The following HVCN1 variants were observed in gnomAD, a reference collection of about 807,000 sequenced individuals.
HVCN1 encodes the protein voltage-gated hydrogen channel 1.
HVCN1 carries 14 observed loss-of-function variants against 29.2 expected under a neutral mutation model. The observed-to-expected ratio is 0.48, with a 90% CI of 0.32 to 0.75. HVCN1 has a LOEUF of 0.75. Among genes scored for constraint, HVCN1 ranks in the 30% least tolerant of loss-of-function variants. The pLI, the probability that HVCN1 is intolerant of heterozygous loss-of-function variation, is 0.04. For synonymous variants in HVCN1, 131 were observed against 133.2 expected, an observed-to-expected ratio of 0.98 and a Z score of 0.11; for missense variants, 263 against 341.8, an observed-to-expected ratio of 0.77 and a Z score of 1.82.
In HVCN1 at chr12:110,661,888, C is replaced by T. The variant is rs1233150129; in HGVS notation, c.22-440G>A. Among the ~76,000 whole-genome samples, 4 of 152,180 alleles carry T rather than the reference C, an allele frequency of 2.6e-5. No homozygotes were observed. The highest frequency in any genetic ancestry group is 3.9e-4 in the East Asian group (2 of 5,192). ...TCATAGAAAAGTCACGAGATCCCCA[C>T]CCATCACGCCACACATCCTGACAGG... On this transcript the variant is annotated intron_variant, in intron 3 of 7. Transcript: ENST00000242607. This position sits in a 1 kb window ranked among gnomAD's most constrained non-coding sequence, Gnocchi z 6.2.
At chr12:110,697,978 T>C (rs1342320532) in intron 2 of HVCN1, among the ~76,000 whole-genome samples, 1 of 152,046 alleles carries the variant, frequency 6.6e-6, no homozygotes, top group African/African-American at 2.4e-5. Flanking sequence ...ATTTCACAGC[T>C]AAGGCTGAGA....
chr12:110,666,378 G>A (rs763851592), intron 3 of HVCN1, among the ~76,000 whole-genome samples: 9 of 151,962 alleles, frequency 5.9e-5, no homozygotes, highest in African/African-American at 1.9e-4. Flanking sequence ...AGCCGAGATC[G>A]TGCCACTGCA....
chr12:110,681,583 T>C (rs947931819), intron 3 of HVCN1, among the ~76,000 whole-genome samples: 1 of 152,228 alleles, frequency 6.6e-6, no homozygotes, highest in Non-Finnish European at 1.5e-5. Context: ...GACTCTCTTA[T>C]GAAGGATACC....
At position 110,648,986 on chromosome 12, in the gene HVCN1, AAG is replaced by A. The variant is rs1208532787; in HGVS notation, c.*422_*423del. ...AAGCTATTTAGAACAGCTTGAAAAT[AAG>A]AGACTTTTCTAGAATGGGGTGGCAG... On this transcript the variant is annotated 3_prime_UTR_variant, in exon 8 of 8. Coordinates refer to ENST00000242607, the MANE Select transcript of HVCN1 (RefSeq NM_032369.4). 2 of 450,140 alleles carry A rather than the reference AAG, an allele frequency of 4.4e-6. No homozygotes were observed. The highest frequency in any genetic ancestry group is 2.0e-5 in the African/African-American group (1 of 48,946). 27.9% of individuals were successfully genotyped at this position (450,140 alleles called of 1,614,324 possible). A position where few individuals can be genotyped will look rare whatever the true frequency, so the allele number is the denominator to read the frequency against.
intron 3 of HVCN1, among the ~76,000 whole-genome samples, chr12:110,672,393 G>T (rs1460672184): frequency 6.6e-6 from 1 of 152,156 alleles, no homozygotes; most frequent in Non-Finnish European, 1.5e-5. Context: ...CCACCTCAAA[G>T]TCTGTTGCCC....
intron 3 of HVCN1, among the ~76,000 whole-genome samples, chr12:110,665,924 T>C (rs1187170568): frequency 6.7e-6 from 1 of 149,332 alleles, no homozygotes; most frequent in Non-Finnish European, 1.5e-5. Flanking sequence ...GAGAATCACT[T>C]GAACCCGGGA....
intron 4 of HVCN1, among the ~76,000 whole-genome samples, 191 bp from the exon 5 acceptor site, chr12:110,655,529 A>G (rs1460515658): frequency 6.6e-6 from 1 of 152,176 alleles, no homozygotes; most frequent in Non-Finnish European, 1.5e-5. Context: ...CTCCTCTCTG[A>G]TAGAAGCTGC....
rs1372135632 is a variant in HVCN1, at chr12:110,676,418, C to G, written c.21+6807G>C. 6.6e-6 allele frequency among the ~76,000 whole-genome samples: 1 copy of G among 152,222 alleles called. No homozygotes were observed. The highest frequency in any genetic ancestry group is 1.5e-5 in the Non-Finnish European group (1 of 68,048). On this transcript the variant is annotated intron_variant, in intron 3 of 7. Transcript: ENST00000242607. This position sits in a 1 kb window ranked among gnomAD's most constrained non-coding sequence, Gnocchi z 4.1. ...CTCAGACAGGCCTGCCTGGCCTCCA[C>G]TGGCATCTGGGAATTTGGACTTCTG...
At chr12:110,666,867 CT>C (rs1308513114) in intron 3 of HVCN1, among the ~76,000 whole-genome samples, 4 of 152,336 alleles carry the variant, frequency 2.6e-5, no homozygotes, top group African/African-American at 7.2e-5. Context: ...AGCCCTCATC[CT>C]AGTTTCTAAC....
At chr12:110,692,790 G>T (rs1022519038), upstream of HVCN1, among the ~76,000 whole-genome samples, 1 of 152,110 alleles carries the variant, frequency 6.6e-6, no homozygotes, top group Admixed American at 6.5e-5. Context: ...TCCACAGAAA[G>T]AATCCAGGAG....
intron 5 of HVCN1, among the ~76,000 whole-genome samples, chr12:110,653,944 A>T (rs2067901159): frequency 6.6e-6 from 1 of 152,178 alleles, no homozygotes; most frequent in South Asian, 2.1e-4. Context: ...ATGGGAGAAA[A>T]ACCTTATTAG....
intron 2 of HVCN1, among the ~76,000 whole-genome samples, chr12:110,697,629 C>A (rs947442753): frequency 6.6e-6 from 1 of 151,824 alleles, no homozygotes; most frequent in Non-Finnish European, 1.5e-5. Flanking sequence ...TTACTATATG[C>A]CACTCACAGC....
At chr12:110,685,793 G>T (rs983967892) in intron 2 of HVCN1, among the ~76,000 whole-genome samples, 3 of 151,852 alleles carry the variant, frequency 2.0e-5, no homozygotes, top group African/African-American at 7.3e-5. Context: ...GGACTCAAGC[G>T]ATCCTCCCAC....
At position 110,658,583 on chromosome 12, in the gene HVCN1, T is replaced by G. The variant is rs150031259; in HGVS notation, c.306+2581A>C. 0.019 allele frequency among the ~76,000 whole-genome samples: 2,941 copies of G among 152,172 alleles called. 41 individuals are homozygous for G. The highest frequency in any genetic ancestry group is 0.065 in the Middle Eastern group (19 of 294). On this transcript the variant is annotated intron_variant, in intron 4 of 7. Coordinates refer to ENST00000242607, the MANE Select transcript of HVCN1 (RefSeq NM_032369.4). This position sits in a 1 kb window ranked among gnomAD's most constrained non-coding sequence, Gnocchi z 5.0. ...CTCCCACGCCATCCACCCATCGGGC[T>G]CACTCCTGCTCAGCATGCAGGTGTC...
chr12:110,691,592 A>G (rs1212736198), upstream of HVCN1, among the ~76,000 whole-genome samples: 2 of 152,164 alleles, frequency 1.3e-5, no homozygotes, highest in Non-Finnish European at 2.9e-5. Flanking sequence ...CCTCTGGTTG[A>G]GGAAGGGAAA....
chr12:110,651,459 C>T lies in HVCN1; in HGVS notation c.412-11G>A. ...CATGTAGTGGAATACCTGAAGGGGA[C>T]AAGGAACCACAGTCAGGGGAGATTG... On this transcript the variant is annotated splice_polypyrimidine_tract_variant and intron_variant, in intron 5 of 7. Transcript: ENST00000242607. 6.4e-7 allele frequency: 1 copy of T among 1,574,102 alleles called. No individual in the cohort carries two copies. The highest frequency in any genetic ancestry group is 8.7e-7 in the Non-Finnish European group (1 of 1,143,830).
At chr12:110,655,938 C>G (rs945577184) in intron 4 of HVCN1, among the ~76,000 whole-genome samples, 1 of 152,166 alleles carries the variant, frequency 6.6e-6, no homozygotes, top group Non-Finnish European at 1.5e-5. Context: ...CTCCTAACCC[C>G]AAGTGATCCA....
At chr12:110,670,185 C>T (rs2068526236) in intron 3 of HVCN1, among the ~76,000 whole-genome samples, 5 of 152,090 alleles carry the variant, frequency 3.3e-5, no homozygotes, top group South Asian at 4.1e-4. Context: ...GACCTAGAAG[C>T]GAAGGAGAGA....
intron 7 of HVCN1, among the ~76,000 whole-genome samples, chr12:110,649,693 C>A (rs566701707): frequency 5.3e-5 from 8 of 152,228 alleles, no homozygotes; most frequent in Admixed American, 5.2e-4. Context: ...CCTGGCAGAG[C>A]CCTGGGATGT....
Sources: gnomAD v4.1 joint callset for allele counts (sites outside exome capture counted in the v4.1 genomes callset) on GRCh38, gnomAD v4.1.1 for gene constraint, Gnocchi (gnomAD v3.1) non-coding constraint, MANE v1.5 for transcripts, NCBI Gene and HGNC (gene_info 2026-07-23, HGNC 2026-07-21) for gene names.